CCDC178: variants seen among roughly 807,000 people sequenced by gnomAD.
CCDC178 encodes the protein coiled-coil domain-containing protein 178.
CCDC178 carries 126 observed loss-of-function variants against 117.4 expected under a neutral mutation model. The ratio of observed to expected loss-of-function variants is 1.07; its 90% CI spans 0.93 to 1.24. The LOEUF is 1.24. Ranked by LOEUF, CCDC178 falls within the 50% of genes most tolerant of loss-of-function variation. CCDC178 has a pLI of 0.00. For synonymous variants in CCDC178, 283 were observed against 313.4 expected (o/e 0.90, Z 1.02); for missense variants, 1,030 against 986.9 (o/e 1.04, Z -0.59).
At chr18:33,177,058 A>G (rs1048373314) in intron 20 of CCDC178, among the ~76,000 whole-genome samples, 1 of 152,208 alleles carries the variant, frequency 6.6e-6, no homozygotes, top group Non-Finnish European at 1.5e-5. Flanking sequence ...CTTTGCAGGT[A>G]CATGGATAAA....
At chr18:33,108,634 TTAAA>T (rs2057739119) in intron 20 of CCDC178, among the ~76,000 whole-genome samples, 1 of 151,646 alleles carries the variant, frequency 6.6e-6, no homozygotes, top group South Asian at 2.1e-4. Flanking sequence ...TCTATTATTA[TTAAA>T]TAAGTAAGAA....
chr18:33,341,314 T>G (rs2062814310), intron 9 of CCDC178, among the ~76,000 whole-genome samples: 1 of 152,178 alleles, frequency 6.6e-6, no homozygotes, highest in Non-Finnish European at 1.5e-5. Context: ...GTAACTAGCT[T>G]GCTTTTGATT....
chr18:33,434,968 A>G (rs954167453), intron 2 of CCDC178, among the ~76,000 whole-genome samples: 3 of 152,150 alleles, frequency 2.0e-5, no homozygotes, highest in African/African-American at 4.8e-5. Flanking sequence ...TTTTCGGGCT[A>G]CATCTTCAAA....
intron 20 of CCDC178, among the ~76,000 whole-genome samples, chr18:33,170,438 A>G (rs1388153372): frequency 6.6e-6 from 1 of 152,166 alleles, no homozygotes; most frequent in Non-Finnish European, 1.5e-5. Flanking sequence ...AACTTATTAA[A>G]ACGAAATAAT....
chr18:33,287,139 T>C (rs183007051), intron 12 of CCDC178, among the ~76,000 whole-genome samples: 4 of 141,122 alleles, frequency 2.8e-5, no homozygotes, highest in Non-Finnish European at 4.6e-5. Context: ...AAAGACTCAA[T>C]TGAAAGCACA....
chr18:33,117,289 T>C (rs1471709386), intron 20 of CCDC178, among the ~76,000 whole-genome samples: 1 of 152,082 alleles, frequency 6.6e-6, no homozygotes, highest in East Asian at 1.9e-4. Flanking sequence ...CGCCTGGCAT[T>C]GTCCAATGAG....
intron 20 of CCDC178, among the ~76,000 whole-genome samples, chr18:33,183,923 T>C (rs271443): frequency 0.16 from 24,534 of 152,086 alleles, 2,765 homozygotes; most frequent in African/African-American, 0.32. Context: ...TCACATGTGC[T>C]ATTTAATATT....
At chr18:33,064,920 T>C (rs1339871454) in intron 21 of CCDC178, among the ~76,000 whole-genome samples, 1 of 151,356 alleles carries the variant, frequency 6.6e-6, no homozygotes, top group East Asian at 1.9e-4. Flanking sequence ...CATAGTAAAA[T>C]ATTGTCATTT....
chr18:33,336,457 C>T (rs2062741668), intron 9 of CCDC178, among the ~76,000 whole-genome samples: 1 of 152,058 alleles, frequency 6.6e-6, no homozygotes, highest in Non-Finnish European at 1.5e-5. Context: ...TGCTACATTT[C>T]TTATGTTCTT....
At chr18:32,987,755 C>G (rs1275912634) in intron 21 of CCDC178, among the ~76,000 whole-genome samples, 3 of 152,054 alleles carry the variant, frequency 2.0e-5, no homozygotes, top group African/African-American at 7.2e-5. Context: ...GCAAAACAAA[C>G]AAAACAAAAA....
intron 21 of CCDC178, among the ~76,000 whole-genome samples, chr18:33,076,962 C>T (rs1248530276): frequency 1.3e-5 from 2 of 152,150 alleles, no homozygotes; most frequent in Admixed American, 1.3e-4. Context: ...TAAAGTTCTT[C>T]TAGTGGGAGA....
chr18:33,127,180 T>C (rs2058017778), intron 20 of CCDC178, among the ~76,000 whole-genome samples: 1 of 151,992 alleles, frequency 6.6e-6, no homozygotes, highest in African/African-American at 2.4e-5. Flanking sequence ...CCCTTTTCAG[T>C]TATTTAAAAA....
intron 6 of CCDC178, among the ~76,000 whole-genome samples, chr18:33,357,056 C>T (rs2063067347): frequency 6.6e-6 from 1 of 151,790 alleles, no homozygotes; most frequent in Non-Finnish European, 1.5e-5. Context: ...TATCTTTCAA[C>T]CAATTACCAA....
At chr18:32,968,109 C>T (rs75915486) in intron 22 of CCDC178, among the ~76,000 whole-genome samples, 399 of 151,858 alleles carry the variant, frequency 2.6e-3, no homozygotes, top group Non-Finnish European at 3.6e-3. Flanking sequence ...CTAATTGTAA[C>T]GTTGTACCTG....
At chr18:33,003,028 A>G (rs941840759) in intron 21 of CCDC178, among the ~76,000 whole-genome samples, 4 of 152,172 alleles carry the variant, frequency 2.6e-5, no homozygotes, top group Non-Finnish European at 5.9e-5. Context: ...GATTGAAGCC[A>G]TAATAAAAAG....
At chr18:33,300,070 G>A (rs979931005) in intron 11 of CCDC178, among the ~76,000 whole-genome samples, 1 of 152,170 alleles carries the variant, frequency 6.6e-6, no homozygotes, top group Admixed American at 6.5e-5. Context: ...ATAAATTGGT[G>A]CTGTCCTCAG....
intron 15 of CCDC178, among the ~76,000 whole-genome samples, chr18:33,240,135 G>A (rs2144675313): frequency 6.6e-6 from 1 of 151,868 alleles, no homozygotes; most frequent in East Asian, 1.9e-4. Context: ...GCTTCTGAAA[G>A]ACCAATGGGT....
chr18:33,272,463 C>T (rs1485959146), intron 12 of CCDC178, among the ~76,000 whole-genome samples: 3 of 151,572 alleles, frequency 2.0e-5, no homozygotes, highest in Admixed American at 2.0e-4. Flanking sequence ...GTGAATACTA[C>T]TAGATGTTAA....
At chr18:33,083,414 T>C (rs1239270766) in intron 21 of CCDC178, among the ~76,000 whole-genome samples, 1 of 152,212 alleles carries the variant, frequency 6.6e-6, no homozygotes, top group Non-Finnish European at 1.5e-5. Context: ...ATAGGGAGCA[T>C]TTCAAAGTAC....
Sources: allele counts gnomAD v4.1 joint callset (sites outside exome capture counted in the v4.1 genomes callset), GRCh38; gene constraint gnomAD v4.1.1; transcripts MANE v1.5; gene names NCBI Gene and HGNC (gene_info 2026-07-23, HGNC 2026-07-21).